Variants in AHNAK2 observed in about 807,000 individuals in gnomAD.
AHNAK2 encodes the protein protein AHNAK2.
Under a neutral mutation model 30.7 loss-of-function variants are expected in AHNAK2, and 18 were observed. The observed-to-expected ratio is 0.59, with a 90% CI of 0.41 to 0.87. The LOEUF (loss-of-function observed/expected upper bound fraction) is 0.87, where lower values mean the gene tolerates loss of function less well. AHNAK2 is among the 40% of genes least tolerant of loss of function. AHNAK2 has a pLI of 0.00. For synonymous variants in AHNAK2, 3,590 were observed against 3,073.8 expected, an observed-to-expected ratio of 1.17 and a Z score of -5.56; for missense variants, 8,604 against 7,373.0, an observed-to-expected ratio of 1.17 and a Z score of -6.11.
Position 104,938,400 on chromosome 14 carries a change from T to C in AHNAK2, c.17051A>G (p.Glu5684Gly), listed in dbSNP as rs765665915. The change falls in exon 7 of 7, where the codon GAG becomes GGG. Residue 5684 changes from glutamate (E) to glycine (G), a missense_variant. Transcript: ENST00000333244. ...CTCCTGTTTTTTAGGCAGTTCTGCC[T>C]CTGGTCGTGCCTCAGGCTGTGTTTG... ...PIQTQPEARPEAELPKKQEKA... is the reference protein window; with the variant it reads ...PIQTQPEARPGAELPKKQEKA... The C allele has an allele frequency of 6.2e-6, 10 of 1,614,000 alleles. No individual in the cohort carries two copies. The highest frequency in any genetic ancestry group is 7.6e-6 in the Non-Finnish European group (9 of 1,179,886).
At position 104,951,067 on chromosome 14, in the gene AHNAK2, C is replaced by A. The variant is rs766915865; in HGVS notation, c.4384G>T (p.Asp1462Tyr). ...VEVSLPSVEVDVEAPGAKLDG... is the reference protein window; with the variant it reads ...VEVSLPSVEVYVEAPGAKLDG... Reference sequence around the variant, plus strand: ...AGCTTGGCTCCTGGGGCCTCGACATCCACCTCCACGCTGGGCAGAGAAACC... The same window carrying A: ...AGCTTGGCTCCTGGGGCCTCGACATACACCTCCACGCTGGGCAGAGAAACC... The change falls in exon 7 of 7, where the codon GAT becomes TAT. Residue 1462 changes from aspartate (D) to tyrosine (Y), a missense_variant. By Grantham distance (160) the Asp-to-Tyr change is radical. Coordinates refer to ENST00000333244, the MANE Select transcript of AHNAK2 (RefSeq NM_138420.4). The A allele has an allele frequency of 1.9e-6, 2 of 1,063,472 alleles. 1 individual carries two copies. Among genetic ancestry groups the A allele is most frequent in the South Asian group, 3.2e-5 (2 of 62,250 alleles). 65.9% of individuals were successfully genotyped at this position (1,063,472 alleles called of 1,614,324 possible).
In AHNAK2 at chr14:104,944,130, T is replaced by G; in HGVS notation, c.11321A>C (p.Gln3774Pro). The G allele has an allele frequency of 6.2e-7, 1 of 1,613,280 alleles. No individual in the cohort carries two copies. Among genetic ancestry groups the G allele is most frequent in the South Asian group, 1.1e-5 (1 of 91,036 alleles). The change falls in exon 7 of 7, where the codon CAG becomes CCG. Residue 3774 changes from glutamine (Q) to proline (P), a missense_variant. Coordinates refer to ENST00000333244, the MANE Select transcript of AHNAK2 (RefSeq NM_138420.4). ...VSLPSVEVDVQAPRAKLDSAQ... is the reference protein window; with the variant it reads ...VSLPSVEVDVPAPRAKLDSAQ... ...ACTATCCAGTTTGGCTCTTGGGGCCTGGACGTCCACCTCCACGCTGGGCAG... is the reference window on the plus strand; with the variant it reads ...ACTATCCAGTTTGGCTCTTGGGGCCGGGACGTCCACCTCCACGCTGGGCAG...
rs758862766 is a variant in AHNAK2, at chr14:104,938,683, TGA to T, written c.16766_16767del (p.Leu5589HisfsTer3). 6.2e-7 allele frequency: 1 copy of T among 1,612,840 alleles called. No homozygotes were observed. Among genetic ancestry groups the T allele is most frequent in the South Asian group, 1.1e-5 (1 of 90,794 alleles). On this transcript the variant is annotated frameshift_variant, in exon 7 of 7. Coordinates refer to ENST00000333244, the MANE Select transcript of AHNAK2 (RefSeq NM_138420.4). LOFTEE classifies it low-confidence loss of function (END_TRUNC). ...TGGTGGCCAGAAGGAACTTCAAATG[TGA>T]GTGTTTGCTGTCCCAGTACATTGAC... ...SSVNVLGQQT[L>X]TFEVPSGHQL...
At chr14:104,968,588 A>T (rs2140881490) in intron 1 of AHNAK2, among the ~76,000 whole-genome samples, 1 of 152,302 alleles carries the variant, frequency 6.6e-6, no homozygotes, top group South Asian at 2.1e-4. Flanking sequence ...CTTAAACAAA[A>T]TCCAAGTTTG....
In AHNAK2 at chr14:104,948,523, C is replaced by G; in HGVS notation, c.6928G>C (p.Asp2310His). The G allele has an allele frequency of 6.2e-7, 1 of 1,612,070 alleles. No homozygotes were observed. The highest frequency in any genetic ancestry group is 8.5e-7 in the Non-Finnish European group (1 of 1,179,532). Residue 2310 changes from aspartate (D) to histidine (H), a missense_variant, in exon 7 of 7, where the codon GAC becomes CAC. Physicochemically the swap from Asp to His is moderately conservative, Grantham distance 81. Transcript: ENST00000333244. ...AACTTGCTGTCTTTGGCAGTCACGTCCTTGTCGGCCAGGGACATGTCCCCC... is the reference window on the plus strand; with the variant it reads ...AACTTGCTGTCTTTGGCAGTCACGTGCTTGTCGGCCAGGGACATGTCCCCC... ...LEGDMSLADK[D>H]VTAKDSKFKM...
Position 104,953,617 on chromosome 14 carries a change from C to T in AHNAK2, c.1834G>A (p.Gly612Arg). The T allele has an allele frequency of 1.2e-6, 2 of 1,613,974 alleles. No individual in the cohort carries two copies. The highest frequency in any genetic ancestry group is 2.7e-5 in the African/African-American group (2 of 75,046). ...REKATEDTEQ[G>R]REGEATATAD... ...GTTGCTGTGGCCTCTCCTTCCCTTC[C>T]CTGCTCTGTGTCTTCTGTGGCTTTT... Residue 612 changes from glycine (G) to arginine (R), a missense_variant, in exon 7 of 7, where the codon GGA (glycine) becomes AGA (arginine). Coordinates refer to ENST00000333244, the MANE Select transcript of AHNAK2 (RefSeq NM_138420.4).
At chr14:104,964,704 G>A (rs1392003826) in intron 1 of AHNAK2, among the ~76,000 whole-genome samples, 4 of 152,224 alleles carry the variant, frequency 2.6e-5, no homozygotes, top group African/African-American at 4.8e-5. Flanking sequence ...AAAAGCGCTC[G>A]TACCGGGGGA....
In AHNAK2 at chr14:104,950,006, A is replaced by G. The variant is rs140200392; in HGVS notation, c.5445T>C (p.Asp1815=). The G allele has an allele frequency of 3.0e-3, 4,696 of 1,556,520 alleles. 423 individuals carry two copies. The African/African-American group carries it at 0.045, about 15-fold the overall frequency. ...LEGDLSLADK[D]VTAKDSKFKM... ...TGAACTTGCTGTCTTTGGCAGTCAC[A>G]TCCTTGTCGGCCAGGGACAGGTCAC... Residue 1815 remains aspartate (D), a synonymous_variant, in exon 7 of 7, where the codon GAT becomes GAC. Transcript: ENST00000333244.
chr14:104,951,127 CT>C lies in AHNAK2; in HGVS notation c.4323del (p.Asp1442ThrfsTer6). ...IDIKGPKLDLKDPKVEVTAPD... is the reference protein window; with the variant it reads ...IDIKGPKLDLXDPKVEVTAPD... ...GGGGCTGTCACTTCCACCTTGGGGT[CT>C]TTTAGGTCCAGCTTGGGGCCCTTGA... On this transcript the variant is annotated frameshift_variant, in exon 7 of 7. Transcript: ENST00000333244. LOFTEE classifies it low-confidence loss of function (END_TRUNC). 1 of 1,067,264 alleles carries C rather than the reference CT, an allele frequency of 9.4e-7. No individual in the cohort carries two copies. The highest frequency in any genetic ancestry group is 1.6e-5 in the South Asian group (1 of 62,734). The allele number at this position is 1,067,264 out of a possible 1,614,324, so 66.1% of individuals were successfully genotyped here.
chr14:104,953,650 C>T lies in AHNAK2; in HGVS notation c.1801G>A (p.Gly601Ser), dbSNP rs368235933. ...GWSPSKHTKT[G>S]REKATEDTEQ... is the part of the protein sequence containing the mutation. ...GTGTCTTCTGTGGCTTTTTCTCTGCCTGTCTTTGTGTGCTTGCTTGGCGAC... is the reference window on the plus strand; with the variant it reads ...GTGTCTTCTGTGGCTTTTTCTCTGCTTGTCTTTGTGTGCTTGCTTGGCGAC... Residue 601 changes from glycine (G) to serine (S), a missense_variant, in exon 7 of 7, where the codon GGC (glycine) becomes AGC (serine). Coordinates refer to ENST00000333244, the MANE Select transcript of AHNAK2 (RefSeq NM_138420.4). 4.5e-5 allele frequency: 73 copies of T among 1,613,760 alleles called. No individual in the cohort carries two copies. The highest frequency in any genetic ancestry group is 6.1e-5 in the Non-Finnish European group (72 of 1,179,888).
intron 1 of AHNAK2, among the ~76,000 whole-genome samples, chr14:104,958,247 G>A (rs1351671538): frequency 1.3e-5 from 2 of 152,116 alleles, no homozygotes; most frequent in African/African-American, 4.8e-5. Flanking sequence ...TTGGGAGTTC[G>A]AGACCAGCCT....
At chr14:104,957,187 G>C (rs1287195750) in intron 3 of AHNAK2, among the ~76,000 whole-genome samples, 1 of 152,200 alleles carries the variant, frequency 6.6e-6, no homozygotes, top group African/African-American at 2.4e-5. Flanking sequence ...CAGCCCATAC[G>C]CATGCTCACA....
chr14:104,941,066 G>C lies in AHNAK2; in HGVS notation c.14385C>G (p.Tyr4795Ter). 1 of 1,613,672 alleles carries C rather than the reference G, an allele frequency of 6.2e-7. No individual in the cohort carries two copies. Among genetic ancestry groups the C allele is most frequent in the Non-Finnish European group, 8.5e-7 (1 of 1,179,896 alleles). ...AGGCAGCTCTGGGAACAGTCACCTG[G>C]TATTTTGTAAGTGTAACATCCTCAC... ...SPCEDVTLTK[Y>*]QVTVPRAALA... The change falls in exon 7 of 7, where the codon TAC (tyrosine) becomes TAG (stop). Residue 4795 changes from tyrosine (Y) to a stop codon, truncating the protein, a stop_gained. Coordinates refer to ENST00000333244, the MANE Select transcript of AHNAK2 (RefSeq NM_138420.4). LOFTEE classifies it low-confidence loss of function (END_TRUNC).
chr14:104,955,911 G>A (rs986388470), intron 4 of AHNAK2, among the ~76,000 whole-genome samples: 4 of 152,252 alleles, frequency 2.6e-5, no homozygotes. Context: ...CAGGGCACCA[G>A]GAGCAGCGCA....
intron 1 of AHNAK2, among the ~76,000 whole-genome samples, chr14:104,961,240 C>T (rs533679330): frequency 2.6e-4 from 40 of 152,022 alleles, no homozygotes; most frequent in Admixed American, 1.7e-3. Context: ...GTGGGCCGGG[C>T]ACGGTGGCTC....
At position 104,946,723 on chromosome 14, in the gene AHNAK2, C is replaced by G. The variant is rs1360481320; in HGVS notation, c.8728G>C (p.Asp2910His). The G allele has an allele frequency of 1.2e-6, 2 of 1,612,516 alleles. No homozygotes were observed. Among genetic ancestry groups the G allele is most frequent in the Admixed American group, 3.3e-5 (2 of 59,916 alleles). ...ACGTCTATCTGGGGGCCCTTGAGAT[C>G]CACTTTGGGCATCTTGAAACTGGGC... ...QMPSFKMPKV[D>H]LKGPQIDVKG... is the part of the protein sequence containing the mutation. Residue 2910 changes from aspartate to histidine, a missense_variant, in exon 7 of 7, where the codon GAT becomes CAT. Physicochemically the swap from Asp to His is moderately conservative, Grantham distance 81. Transcript: ENST00000333244.
Position 104,950,805 on chromosome 14 carries a change from T to G in AHNAK2, c.4646A>C (p.Asp1549Ala). The G allele has an allele frequency of 6.3e-7, 1 of 1,586,184 alleles. No individual in the cohort carries two copies. Among genetic ancestry groups the G allele is most frequent in the South Asian group, 1.1e-5 (1 of 89,668 alleles). ...CACTTGGCCAGCCTGGACCTCCAGG[T>G]CAGCAGAAGGGGGCTGTATGCTCAG... The part of the protein sequence containing the change: ...TDLSIQPPSA[D>A]LEVQAGQVDV... Residue 1549 changes from aspartate (D) to alanine (A), a missense_variant, in exon 7 of 7, where the codon GAC becomes GCC. Physicochemically the swap from Asp to Ala is moderately radical, Grantham distance 126. Transcript: ENST00000333244.
rs1297889462 is a variant in AHNAK2 at position 104,953,019 on chromosome 14, T to G, written c.2432A>C (p.Asp811Ala). 1.9e-6 allele frequency: 3 copies of G among 1,613,128 alleles called. No homozygotes were observed. Among genetic ancestry groups the G allele is most frequent in the Non-Finnish European group, 2.5e-6 (3 of 1,179,720 alleles). Residue 811 changes from aspartate (D) to alanine (A), a missense_variant, in exon 7 of 7, where the codon GAT becomes GCT. By Grantham distance (126) the Asp-to-Ala change is moderately radical (BLOSUM62 -2). Coordinates refer to ENST00000333244, the MANE Select transcript of AHNAK2 (RefSeq NM_138420.4). The part of the protein sequence containing the change: ...VDVQAPRAKL[D>A]GARLEGDLSL... ...CAGGTCCCCCTCCAGCCGCGCACCA[T>G]CCAGCTTTGCTCTCGGGGCCTGGAC...
In AHNAK2 at chr14:104,943,107, A is replaced by C; in HGVS notation, c.12344T>G (p.Leu4115Arg). The C allele has an allele frequency of 6.2e-7, 1 of 1,612,954 alleles. No homozygotes were observed. The highest frequency in any genetic ancestry group is 1.3e-5 in the African/African-American group (1 of 74,748). ...APRAKLDGVQ[L>R]EGDLSLADKD... ...GTCGGCCAGGGACAGGTCCCCCTCC[A>C]GCTGCACACCATCCAGCTTTGCTCT... Residue 4115 changes from leucine (L) to arginine (R), a missense_variant, in exon 7 of 7, where the codon CTG becomes CGG. Physicochemically the swap from Leu to Arg is moderately radical, Grantham distance 102. Transcript: ENST00000333244.
Sources: allele counts gnomAD v4.1 joint callset (sites outside exome capture counted in the v4.1 genomes callset), GRCh38; gene constraint gnomAD v4.1.1; transcripts MANE v1.5; gene names NCBI Gene and HGNC (gene_info 2026-07-23, HGNC 2026-07-21).